Variants in ZDHHC20 observed in about 807,000 individuals in gnomAD.
The protein encoded by ZDHHC20 is zDHHC palmitoyltransferase 20.
A neutral mutation model predicts 57.8 loss-of-function variants in ZDHHC20; 43 were observed. That is an observed-to-expected ratio of 0.74 (90% CI 0.58 to 0.96). The LOEUF is 0.96. Ranked by LOEUF, ZDHHC20 falls within the 40% of genes least tolerant of loss-of-function variation. ZDHHC20 has a pLI of 0.00. For synonymous variants in ZDHHC20, 157 were observed against 153.0 expected (o/e 1.03, Z -0.19); for missense variants, 391 against 441.1 (o/e 0.89, Z 1.02).
chr13:21,418,245 C>T (rs1880238076), intron 3 of ZDHHC20, among the ~76,000 whole-genome samples: 3 of 152,070 alleles, frequency 2.0e-5, no homozygotes, highest in Admixed American at 1.3e-4. Flanking sequence ...TGGAGCATGC[C>T]ACAGCAAGGT....
Position 21,375,348 on chromosome 13 carries a change from GGT to G in ZDHHC20, c.*1346_*1347del, listed in dbSNP as rs146716267. ...GGAAGCAATCAATTATTTTGGGGGGGGTGTGTGTGTGTGTGTGTCTGTCTGTC... is the reference window on the plus strand; with the variant it reads ...GGAAGCAATCAATTATTTTGGGGGGGGTGTGTGTGTGTGTGTCTGTCTGTC... On this transcript the variant is annotated 3_prime_UTR_variant, in exon 13 of 13. Transcript: ENST00000400590. The G allele has an allele frequency of 0.014, 4,604 of 332,790 alleles. No individual in the cohort carries two copies. Among genetic ancestry groups the G allele is most frequent in the South Asian group, 0.022 (921 of 42,374 alleles). 20.6% of individuals were successfully genotyped at this position (332,790 alleles called of 1,614,324 possible).
At chr13:21,421,565 A>G (rs763256525) in intron 2 of ZDHHC20, among the ~76,000 whole-genome samples, 23 of 152,148 alleles carry the variant, frequency 1.5e-4, no homozygotes, top group Non-Finnish European at 2.8e-4. Flanking sequence ...CTGAAAGTAA[A>G]TAAGTTACCA....
At chr13:21,422,199 T>C (rs1170331853) in intron 2 of ZDHHC20, among the ~76,000 whole-genome samples, 1 of 151,852 alleles carries the variant, frequency 6.6e-6, no homozygotes, top group Non-Finnish European at 1.5e-5. Flanking sequence ...GTCCTTTTTG[T>C]GCATTCCCTT....
intron 4 of ZDHHC20, among the ~76,000 whole-genome samples, chr13:21,406,557 C>T (rs1448178033): frequency 6.6e-6 from 1 of 151,916 alleles, no homozygotes; most frequent in Non-Finnish European, 1.5e-5. Context: ...CCGACAGGCC[C>T]CAGTGTGTGA....
At chr13:21,378,887 A>G (rs1872733964) in intron 11 of ZDHHC20, 149 bp from the exon 12 acceptor site, 2 of 420,434 alleles carry the variant, frequency 4.8e-6, no homozygotes, top group South Asian at 2.0e-4. Flanking sequence ...TTCTTATAGA[A>G]CCTAGAAGTA....
At chr13:21,399,589 T>C (rs1321037274) in intron 7 of ZDHHC20, among the ~76,000 whole-genome samples, 2 of 152,148 alleles carry the variant, frequency 1.3e-5, no homozygotes, top group Non-Finnish European at 2.9e-5. Context: ...TTTGAATATA[T>C]TACTATTTGT....
intron 7 of ZDHHC20, among the ~76,000 whole-genome samples, chr13:21,394,573 G>C (rs1018729981): frequency 5.9e-5 from 9 of 152,060 alleles, no homozygotes; most frequent in Non-Finnish European, 8.8e-5. Flanking sequence ...ATTGAATGAA[G>C]AAAAAGGTAT....
chr13:21,398,333 G>T (rs184954629), intron 7 of ZDHHC20, among the ~76,000 whole-genome samples: 1 of 151,934 alleles, frequency 6.6e-6, no homozygotes, highest in Non-Finnish European at 1.5e-5. Context: ...GCGAGGTGCC[G>T]GGTGCCTGTA....
intron 6 of ZDHHC20, among the ~76,000 whole-genome samples, chr13:21,401,338 CATT>C (rs1028326087): frequency 2.0e-5 from 3 of 152,060 alleles, no homozygotes; most frequent in Admixed American, 2.0e-4. Flanking sequence ...AAAACTTAAT[CATT>C]ATTACCTAGA....
chr13:21,441,200 T>C (rs1392308757), intron 1 of ZDHHC20, among the ~76,000 whole-genome samples: 1 of 152,226 alleles, frequency 6.6e-6, no homozygotes, highest in Non-Finnish European at 1.5e-5. Flanking sequence ...ATCTTTGTAA[T>C]GTTGAATTAT....
At chr13:21,400,533 A>C (rs1877476431) in intron 6 of ZDHHC20, 40 bp from the exon 7 acceptor site, 1 of 1,520,004 alleles carries the variant, frequency 6.6e-7, no homozygotes, top group South Asian at 1.3e-5. Context: ...AAGTAAGACA[A>C]ATCACAAATT....
chr13:21,380,167 G>A (rs1347652599), intron 11 of ZDHHC20, among the ~76,000 whole-genome samples: 9 of 149,802 alleles, frequency 6.0e-5, no homozygotes, highest in African/African-American at 2.2e-4. Context: ...CCAGGCTGGA[G>A]TGCAGTGGTG....
chr13:21,448,356 C>T (rs1443643944), intron 1 of ZDHHC20, among the ~76,000 whole-genome samples: 4 of 106,072 alleles, frequency 3.8e-5, no homozygotes, highest in African/African-American at 6.4e-5. Context: ...CCGCCCCGTC[C>T]GGGAGGGAGG....
chr13:21,404,580 G>A (rs959883120), intron 4 of ZDHHC20, among the ~76,000 whole-genome samples: 5 of 151,876 alleles, frequency 3.3e-5, no homozygotes, highest in Admixed American at 1.3e-4. Flanking sequence ...GTGAAACCCC[G>A]TCTCTACTAA....
rs1051158531 is a variant in ZDHHC20 at position 21,459,000 on chromosome 13, TCGCGCCCTAGCCGCGGCC to T, written c.118+36_118+53del. 5 of 1,446,406 alleles carry T rather than the reference TCGCGCCCTAGCCGCGGCC, an allele frequency of 3.5e-6. No individual in the cohort carries two copies. In the African/African-American group the frequency reaches 5.9e-5, roughly 17 times the overall value. 89.6% of individuals were successfully genotyped at this position (1,446,406 alleles called of 1,614,324 possible). ...CGGGTGTGGGGCGCAGAGGCCTATC[TCGCGCCCTAGCCGCGGCC>T]CGCGCCCCGCCGCAGTCCCCGGGGA... On this transcript the variant is annotated intron_variant, in intron 1 of 12. Transcript: ENST00000400590.
At chr13:21,454,632 AAAC>A in intron 1 of ZDHHC20, among the ~76,000 whole-genome samples, 1 of 152,350 alleles carries the variant, frequency 6.6e-6, no homozygotes, top group East Asian at 1.9e-4. Flanking sequence ...TCAGACAGGA[AAAC>A]AACAAAACAG....
At chr13:21,413,186 C>A (rs1057113856) in intron 4 of ZDHHC20, among the ~76,000 whole-genome samples, 4 of 152,068 alleles carry the variant, frequency 2.6e-5, no homozygotes, top group Non-Finnish European at 1.5e-5. Flanking sequence ...TGGAACTAGA[C>A]AAACCTGAGT....
At position 21,459,269 on chromosome 13, in the gene ZDHHC20, A is replaced by C; in HGVS notation, c.-98T>G. On this transcript the variant is annotated 5_prime_UTR_variant, in exon 1 of 13. Coordinates refer to ENST00000400590, the MANE Select transcript of ZDHHC20 (RefSeq NM_001330059.2). ...GGACGCTCCAGGCGGCTGCTGGTCCAGCTCCCCCGCCTCCGAGGCAGGACT... is the reference window on the plus strand; with the variant it reads ...GGACGCTCCAGGCGGCTGCTGGTCCCGCTCCCCCGCCTCCGAGGCAGGACT... 1.1e-6 allele frequency: 1 copy of C among 889,274 alleles called. No individual in the cohort carries two copies. Among genetic ancestry groups the C allele is most frequent in the Non-Finnish European group, 1.6e-6 (1 of 609,894 alleles). 55.1% of individuals were successfully genotyped at this position (889,274 alleles called of 1,614,324 possible).
chr13:21,381,834 A>T, intron 10 of ZDHHC20: 1 of 558,594 alleles, frequency 1.8e-6, no homozygotes, highest in Non-Finnish European at 3.4e-6. Flanking sequence ...TAATATGTTA[A>T]TCAGGAGCCA....
Sources: allele counts gnomAD v4.1 joint callset (sites outside exome capture counted in the v4.1 genomes callset), GRCh38; gene constraint gnomAD v4.1.1; transcripts MANE v1.5; gene names NCBI Gene and HGNC (gene_info 2026-07-23, HGNC 2026-07-21).